Variants in ANKS4B observed in about 807,000 individuals in gnomAD.
ANKS4B encodes the protein ankyrin repeat and SAM domain-containing protein 4B.
ANKS4B carries 21 observed loss-of-function variants against 20.2 expected under a neutral mutation model. The observed-to-expected ratio is 1.04, with a 90% confidence interval of 0.74 to 1.50. ANKS4B has a LOEUF of 1.50. ANKS4B is among the 40% of genes most tolerant of loss of function. ANKS4B has a pLI of 0.00. For missense variants in ANKS4B, 473 were observed against 494.6 expected, an observed-to-expected ratio of 0.96 and a Z score of 0.41; for synonymous variants, 179 against 194.5, an observed-to-expected ratio of 0.92 and a Z score of 0.66.
At chr16:21,234,521 C>CG (rs71151624) in intron 1 of ANKS4B, among the ~76,000 whole-genome samples, 1 of 149,324 alleles carries the variant, frequency 6.7e-6, no homozygotes, top group African/African-American at 2.5e-5. Context: ...CACACACACA[C>CG]CCCATCTCTT....
At position 21,234,837 on chromosome 16, in the gene ANKS4B, T is replaced by TTGTG. The variant is rs150937238; in HGVS notation, c.164+951_164+954dup. On this transcript the variant is annotated intron_variant, in intron 1 of 1. Transcript: ENST00000311620. ...GGGGAAGACAAGACATCTATGATATTTGTGTGTGTGTGTGTGTGCATGTTT... is the reference window on the plus strand; with the variant it reads ...GGGGAAGACAAGACATCTATGATATTTGTGTGTGTGTGTGTGTGTGTGCATGTTT... 3.3e-5 allele frequency among the ~76,000 whole-genome samples: 5 copies of TTGTG among 150,002 alleles called. No homozygotes were observed. The South Asian group carries it at 1.1e-3, about 32-fold the overall frequency.
chr16:21,250,870 G>A lies in ANKS4B; in HGVS notation c.*50G>A. On this transcript the variant is annotated 3_prime_UTR_variant, in exon 2 of 2. Coordinates refer to ENST00000311620, the MANE Select transcript of ANKS4B (RefSeq NM_145865.3). ...GGGGTGATGCTGTGGCCCGCTGGCAGCACTCCAGGCGGCACCCCCTCTTTA... is the reference window on the plus strand; with the variant it reads ...GGGGTGATGCTGTGGCCCGCTGGCAACACTCCAGGCGGCACCCCCTCTTTA... 1 of 1,533,924 alleles carries A rather than the reference G, an allele frequency of 6.5e-7. No individual in the cohort carries two copies. Among genetic ancestry groups the A allele is most frequent in the Non-Finnish European group, 8.8e-7 (1 of 1,138,092 alleles).
chr16:21,250,625 G>C lies in ANKS4B; in HGVS notation c.1059G>C (p.Leu353=), dbSNP rs751978288. The change falls in exon 2 of 2, where the codon CTG becomes CTC. Residue 353 remains leucine, a synonymous_variant. Coordinates refer to ENST00000311620, the MANE Select transcript of ANKS4B (RefSeq NM_145865.3). The stretch of plus-strand genomic sequence containing the variant: ...CCACGCCCCTGGAAGTGTTCTTGCT[G>C]TCTCAGCACCTGGAAGAATTCCTGC... ...VDATPLEVFL[L]SQHLEEFLPI... 4 of 1,614,118 alleles carry C rather than the reference G, an allele frequency of 2.5e-6. No individual in the cohort carries two copies. Among genetic ancestry groups the C allele is most frequent in the South Asian group, 2.2e-5 (2 of 91,080 alleles).
intron 1 of ANKS4B, among the ~76,000 whole-genome samples, chr16:21,239,117 G>A (rs1449560446): frequency 6.6e-6 from 1 of 152,196 alleles, no homozygotes; most frequent in African/African-American, 2.4e-5. Flanking sequence ...ACAGATGCTG[G>A]TGAGGTTGAG....
rs1264306812 is a variant in ANKS4B, at chr16:21,251,490, G to A, written c.*670G>A. ...AACTTCCTTTACTTTTCTATCTCTG[G>A]ATTTAAAATTATAATCTCATCACAT... On this transcript the variant is annotated 3_prime_UTR_variant, in exon 2 of 2. Coordinates refer to ENST00000311620, the MANE Select transcript of ANKS4B (RefSeq NM_145865.3). The A allele has an allele frequency of 6.6e-6, 1 of 152,196 alleles. No homozygotes were observed. The highest frequency in any genetic ancestry group is 1.5e-5 in the Non-Finnish European group (1 of 68,050). The allele number at this position is 152,196 out of a possible 1,614,324, so 9.4% of individuals were successfully genotyped here.
intron 1 of ANKS4B, among the ~76,000 whole-genome samples, chr16:21,234,493 C>CAT (rs2093317788): frequency 6.7e-6 from 1 of 149,932 alleles, no homozygotes; most frequent in African/African-American, 2.5e-5. Context: ...TACACACACA[C>CAT]ACACACACAC....
chr16:21,240,964 T>C (rs2093325807), intron 1 of ANKS4B, among the ~76,000 whole-genome samples: 1 of 152,034 alleles, frequency 6.6e-6, no homozygotes, highest in Non-Finnish European at 1.5e-5. Context: ...CTAATTTTGG[T>C]ATTTTTTAGT....
At position 21,251,538 on chromosome 16, in the gene ANKS4B, T is replaced by C. The variant is rs1408125484; in HGVS notation, c.*718T>C. Reference sequence around the variant, plus strand: ...CATTATCCTGCTGCTTGCTTTCCGATCTGTGTAACCTGGGAATTCCAATTC... The same window carrying C: ...CATTATCCTGCTGCTTGCTTTCCGACCTGTGTAACCTGGGAATTCCAATTC... On this transcript the variant is annotated 3_prime_UTR_variant, in exon 2 of 2. Transcript: ENST00000311620. The C allele has an allele frequency of 6.6e-6, 1 of 152,256 alleles. No individual in the cohort carries two copies. Among genetic ancestry groups the C allele is most frequent in the East Asian group, 1.9e-4 (1 of 5,208 alleles). The allele number at this position is 152,256 out of a possible 1,614,324, so 9.4% of individuals were successfully genotyped here.
In ANKS4B at chr16:21,250,833, G is replaced by T; in HGVS notation, c.*13G>T. The T allele has an allele frequency of 6.3e-7, 1 of 1,576,508 alleles. No individual in the cohort carries two copies. Among genetic ancestry groups the T allele is most frequent in the Non-Finnish European group, 8.6e-7 (1 of 1,156,556 alleles). On this transcript the variant is annotated 3_prime_UTR_variant, in exon 2 of 2. Transcript: ENST00000311620. ...CACCAGCCTGTGATGGAGAGTTTTG[G>T]CCTGGAGCATTGGGGTGATGCTGTG... is the stretch of plus-strand genomic sequence containing the variant.
rs150865043 is a variant in ANKS4B at position 21,247,658 on chromosome 16, C to T, written c.165-2073C>T. Among the ~76,000 whole-genome samples, 312 of 152,292 alleles carry T rather than the reference C, an allele frequency of 2.0e-3. 2 individuals carry two copies. In the East Asian group the frequency reaches 0.021, roughly 10 times the overall value. On this transcript the variant is annotated intron_variant, in intron 1 of 1. Coordinates refer to ENST00000311620, the MANE Select transcript of ANKS4B (RefSeq NM_145865.3). ...GTATTATCAGAGTTCTCAGCATTGGCGCATGGCTCTGGCCATCATTAAAAA... is the reference window on the plus strand; with the variant it reads ...GTATTATCAGAGTTCTCAGCATTGGTGCATGGCTCTGGCCATCATTAAAAA...
chr16:21,240,528 C>T (rs868592741), intron 1 of ANKS4B, among the ~76,000 whole-genome samples: 107 of 152,178 alleles, frequency 7.0e-4, no homozygotes, highest in Middle Eastern at 6.8e-3. Context: ...GAAATACATA[C>T]TTATTGTAAT....
chr16:21,249,886 G>T lies in ANKS4B; in HGVS notation c.320G>T (p.Ser107Ile). The T allele has an allele frequency of 6.2e-7, 1 of 1,614,170 alleles. No homozygotes were observed. Among genetic ancestry groups the T allele is most frequent in the Non-Finnish European group, 8.5e-7 (1 of 1,180,042 alleles). The change falls in exon 2 of 2, where the codon AGC becomes ATC. Residue 107 changes from serine to isoleucine, a missense_variant. By Grantham distance (142) the Ser-to-Ile change is moderately radical. Coordinates refer to ENST00000311620, the MANE Select transcript of ANKS4B (RefSeq NM_145865.3). ...CAGACTCCACTGGATGCTGCTGCCAGCAGGGAGCAGAATGAATGTGTTGCT... is the reference window on the plus strand; with the variant it reads ...CAGACTCCACTGGATGCTGCTGCCATCAGGGAGCAGAATGAATGTGTTGCT... ...DLQTPLDAAA[S>I]REQNECVALL...
chr16:21,245,680 G>A (rs1233064522), intron 1 of ANKS4B, among the ~76,000 whole-genome samples: 1 of 152,028 alleles, frequency 6.6e-6, no homozygotes, highest in Admixed American at 6.6e-5. Context: ...GAATAGGCTG[G>A]TCTCAAACTC....
At chr16:21,237,745 C>T (rs2093321976) in intron 1 of ANKS4B, among the ~76,000 whole-genome samples, 1 of 152,198 alleles carries the variant, frequency 6.6e-6, no homozygotes, top group African/African-American at 2.4e-5. Context: ...AACATGAATT[C>T]TGGAGGAGAC....
At chr16:21,240,659 A>G (rs1021568938) in intron 1 of ANKS4B, among the ~76,000 whole-genome samples, 1 of 152,188 alleles carries the variant, frequency 6.6e-6, no homozygotes, top group Non-Finnish European at 1.5e-5. Flanking sequence ...ACACATGTAC[A>G]TTCTCTCCCT....
In ANKS4B at chr16:21,250,958, C is replaced by T; in HGVS notation, c.*138C>T. 8.0e-7 allele frequency: 1 copy of T among 1,255,870 alleles called. No individual in the cohort carries two copies. Among genetic ancestry groups the T allele is most frequent in the Non-Finnish European group, 1.1e-6 (1 of 925,496 alleles). 77.8% of individuals were successfully genotyped at this position (1,255,870 alleles called of 1,614,324 possible). A position where few individuals can be genotyped will look rare whatever the true frequency, so the allele number is the denominator to read the frequency against. Reference sequence around the variant, plus strand: ...CGGAAATGCCTACCTGAGAGAGAGACCCAAACTTTACTCTGGGAGGTAGGC... The same window carrying T: ...CGGAAATGCCTACCTGAGAGAGAGATCCAAACTTTACTCTGGGAGGTAGGC... On this transcript the variant is annotated 3_prime_UTR_variant, in exon 2 of 2. Transcript: ENST00000311620.
chr16:21,241,448 C>T (rs2093326434), intron 1 of ANKS4B, among the ~76,000 whole-genome samples: 1 of 152,120 alleles, frequency 6.6e-6, no homozygotes, highest in South Asian at 2.1e-4. Flanking sequence ...GACTCTCGCT[C>T]TGTCATCCAG....
At chr16:21,239,005 C>T (rs998566363) in intron 1 of ANKS4B, 25 of 152,126 alleles carry the variant, frequency 1.6e-4, no homozygotes, top group African/African-American at 5.3e-4. Context: ...ATCCTGGGAA[C>T]CAGTGTGAGG....
intron 1 of ANKS4B, among the ~76,000 whole-genome samples, chr16:21,245,075 G>A (rs2093330744): frequency 6.6e-6 from 1 of 152,146 alleles, no homozygotes; most frequent in African/African-American, 2.4e-5. Flanking sequence ...GTCCACAAAT[G>A]TGTTTTATTT....
Sources: gnomAD v4.1 joint callset for allele counts (sites outside exome capture counted in the v4.1 genomes callset) on GRCh38, gnomAD v4.1.1 for gene constraint, MANE v1.5 for transcripts, NCBI Gene and HGNC (gene_info 2026-07-23, HGNC 2026-07-21) for gene names.